DGKA: variants seen among roughly 807,000 people sequenced by gnomAD.
The protein encoded by DGKA is 80 kDa diacylglycerol kinase.
DGKA carries 35 observed loss-of-function variants against 105.0 expected under a neutral mutation model. That is an observed-to-expected ratio of 0.33 (90% CI 0.25 to 0.44). The LOEUF (loss-of-function observed/expected upper bound fraction) is 0.44, where lower values mean the gene tolerates loss of function less well. Among genes scored for constraint, DGKA ranks in the 20% least tolerant of loss-of-function variants. The pLI is 1.00. For synonymous variants in DGKA, 296 were observed against 332.0 expected (o/e 0.89, Z 1.18); for missense variants, 665 against 915.0 (o/e 0.73, Z 3.53).
In DGKA at chr12:55,940,939, A is replaced by G; in HGVS notation, c.1060A>G (p.Thr354Ala). Residue 354 changes from threonine (T) to alanine (A), a missense_variant, in exon 13 of 24, where the codon ACC (threonine) becomes GCC (alanine). Thr to Ala is a moderately conservative substitution (Grantham distance 58, BLOSUM62 0). Transcript: ENST00000331886. This position sits in a 1 kb window ranked among gnomAD's most constrained non-coding sequence, Gnocchi z 4.3. ...TAAAAATAGCAAAACAAGCCAGAAG[A>G]CCATGGATGATTTAAATTTGAGCAC... is the stretch of plus-strand genomic sequence containing the variant. Reference protein sequence around the residue: ...DRKNSKTSQKTMDDLNLSTSE... With the variant: ...DRKNSKTSQKAMDDLNLSTSE... 2 of 1,614,100 alleles carry G rather than the reference A, an allele frequency of 1.2e-6. No homozygotes were observed. The highest frequency in any genetic ancestry group is 1.7e-6 in the Non-Finnish European group (2 of 1,180,004).
At chr12:55,927,917 G>A (rs1883227456), upstream of DGKA, 5 of 923,080 alleles carry the variant, frequency 5.4e-6, no homozygotes, top group Non-Finnish European at 7.9e-6. Flanking sequence ...TGGGCCCTAG[G>A]GTCAGAGGGC....
Position 55,951,776 on chromosome 12 carries a change from T to G in DGKA, c.1580T>G (p.Ile527Ser). 1 of 1,613,584 alleles carries G rather than the reference T, an allele frequency of 6.2e-7. No homozygotes were observed. The highest frequency in any genetic ancestry group is 8.5e-7 in the Non-Finnish European group (1 of 1,179,898). ...PFQIINNYFS[I>S]GVDASIAHRF... Reference sequence around the variant, plus strand: ...CAAATCATCAATAACTACTTCTCTATTGGCGTGGTCAGTGGAATGGGGCCT... The same window carrying G: ...CAAATCATCAATAACTACTTCTCTAGTGGCGTGGTCAGTGGAATGGGGCCT... Residue 527 changes from isoleucine (I) to serine (S), a missense_variant, in exon 18 of 24, where the codon ATT (isoleucine) becomes AGT (serine). Physicochemically the swap from Ile to Ser is moderately radical, Grantham distance 142. Transcript: ENST00000331886.
In DGKA at chr12:55,937,555, C is replaced by G. The variant is rs1326227122; in HGVS notation, c.274+12C>G. 1 of 1,613,280 alleles carries G rather than the reference C, an allele frequency of 6.2e-7. No homozygotes were observed. The highest frequency in any genetic ancestry group is 2.2e-5 in the East Asian group (1 of 44,884). ...AAATGTGACAAAAGGTATGGTCAAGCAGGTAGGACTGGGCTAAGCCTCTGG... is the reference window on the plus strand; with the variant it reads ...AAATGTGACAAAAGGTATGGTCAAGGAGGTAGGACTGGGCTAAGCCTCTGG... On this transcript the variant is annotated intron_variant, in intron 4 of 23. Transcript: ENST00000331886.
intron 1 of DGKA, chr12:55,936,161 T>A: frequency 1.8e-6 from 1 of 552,062 alleles, no homozygotes; most frequent in Non-Finnish European, 2.5e-6. Flanking sequence ...TGAATCAAGA[T>A]AGGTTGGGGG....
chr12:55,935,779 C>T, intron 1 of DGKA: 1 of 691,172 alleles, frequency 1.4e-6, no homozygotes, highest in Non-Finnish European at 1.8e-6. Flanking sequence ...CCGCGGAACG[C>T]AGTCCAGGCG....
Position 55,932,776 on chromosome 12 carries a change from G to T in DGKA, c.-82+1432G>T, listed in dbSNP as rs1592658253. ...GCCAGGTGTAGCACTGCAGTCTTCA[G>T]TGTTTGTGGAGGCTTAATAAGTTTT... On this transcript the variant is annotated intron_variant, in intron 1 of 23. Transcript: ENST00000331886. This position sits in a 1 kb window ranked among gnomAD's most constrained non-coding sequence, Gnocchi z 4.3. 15 of 575,946 alleles carry T rather than the reference G, an allele frequency of 2.6e-5. No individual in the cohort carries two copies. In the East Asian group the frequency reaches 4.3e-4, roughly 17 times the overall value. 35.7% of individuals were successfully genotyped at this position (575,946 alleles called of 1,614,324 possible).
rs1885121050 is a variant in DGKA at position 55,938,049 on chromosome 12, G to A, written c.346G>A (p.Glu116Lys). The A allele has an allele frequency of 1.2e-6, 2 of 1,613,872 alleles. No homozygotes were observed. Among genetic ancestry groups the A allele is most frequent in the Non-Finnish European group, 1.7e-6 (2 of 1,179,920 alleles). The change falls in exon 5 of 24, where the codon GAA (glutamate) becomes AAA (lysine). Residue 116 changes from glutamate to lysine, a missense_variant. By Grantham distance (56) the Glu-to-Lys change is moderately conservative. Around this residue, in one of 3 missense-constraint regions of DGKA, gnomAD observed 504 missense variants for 681.2 expected, o/e 0.74. Transcript: ENST00000331886. The stretch of plus-strand genomic sequence containing the variant: ...GGGTGGTCGGCCAGAAGACAAGTTA[G>A]AATGTGAGTTGCCCTTCTGAAGTGA... ...LEGGRPEDKL[E>K]FTFKLYDTDR...
At chr12:55,933,149 T>C (rs1883986457) in intron 1 of DGKA, among the ~76,000 whole-genome samples, 1 of 152,238 alleles carries the variant, frequency 6.6e-6, no homozygotes, top group East Asian at 1.9e-4. Flanking sequence ...AGCCATGAGC[T>C]CTAAGATTTA....
chr12:55,952,613 C>T lies in DGKA; in HGVS notation c.1744-121C>T. On this transcript the variant is annotated intron_variant, in intron 20 of 23. Transcript: ENST00000331886. This position sits in a 1 kb window ranked among gnomAD's most constrained non-coding sequence, Gnocchi z 5.1. ...CTAGTCCCTATTTCCATTCCTTGCA[C>T]ACCTCCAAATCCTGCCTTCTCCAGT... The T allele has an allele frequency of 2.3e-6, 3 of 1,302,708 alleles. No homozygotes were observed. Among genetic ancestry groups the T allele is most frequent in the East Asian group, 2.3e-5 (1 of 43,278 alleles). The allele number at this position is 1,302,708 out of a possible 1,614,324, so 80.7% of individuals were successfully genotyped here.
Position 55,940,083 on chromosome 12 carries a change from C to T in DGKA, c.711C>T (p.Leu237=). The change falls in exon 10 of 24, where the codon CTC becomes CTT. Residue 237 remains leucine, a splice_region_variant and synonymous_variant. Transcript: ENST00000331886. This position sits in a 1 kb window ranked among gnomAD's most constrained non-coding sequence, Gnocchi z 4.3. ...GLGKQGLSCN[L]CKYTVHDQCA... ...CCCAACTTCTTCCTTCTCCCTCAGT[C>T]TGTAAGTACACTGTTCACGACCAGT... 1 of 1,614,150 alleles carries T rather than the reference C, an allele frequency of 6.2e-7. No homozygotes were observed. The highest frequency in any genetic ancestry group is 8.5e-7 in the Non-Finnish European group (1 of 1,179,962).
upstream of DGKA, chr12:55,930,366 T>TGG (rs1368785973): frequency 7.7e-6 from 1 of 129,944 alleles, no homozygotes; most frequent in African/African-American, 3.6e-5. Flanking sequence ...TGTTTTTTTT[T>TGG]TTTTTTTTTT....
chr12:55,940,546 T>A lies in DGKA; in HGVS notation c.919-78T>A, dbSNP rs1885704689. 4.5e-6 allele frequency: 7 copies of A among 1,565,670 alleles called. No individual in the cohort carries two copies. In the South Asian group the frequency reaches 8.4e-5, roughly 19 times the overall value. ...CACAGTTGCCCCTGCTCCCAAGGGC[T>A]CTTTCCAGCCCAGACTGCCAGGTTG... is the stretch of plus-strand genomic sequence containing the variant. On this transcript the variant is annotated intron_variant, in intron 11 of 23. Coordinates refer to ENST00000331886, the MANE Select transcript of DGKA (RefSeq NM_001345.5). This position sits in a 1 kb window ranked among gnomAD's most constrained non-coding sequence, Gnocchi z 4.3.
upstream of DGKA, chr12:55,927,329 G>T (rs1883211971): frequency 2.6e-6 from 2 of 768,078 alleles, no homozygotes; most frequent in East Asian, 2.7e-5. Flanking sequence ...ATTACTGAGC[G>T]CTTGCTGCCT....
intron 5 of DGKA, 146 bp from the exon 6 acceptor site, chr12:55,938,365 T>A (rs1885187346): frequency 9.8e-7 from 1 of 1,023,380 alleles, no homozygotes; most frequent in African/African-American, 1.6e-5. Flanking sequence ...TTCCTTTCCT[T>A]TTTGTCTCTC....
At position 55,940,492 on chromosome 12, in the gene DGKA, C is replaced by G; in HGVS notation, c.918+59C>G. On this transcript the variant is annotated intron_variant, in intron 11 of 23. Coordinates refer to ENST00000331886, the MANE Select transcript of DGKA (RefSeq NM_001345.5). The surrounding 1 kb of genome is among the most constrained non-coding windows in gnomAD (Gnocchi z 4.3). ...TTACCCCGCAGAGCTGCCTTCTCCACGGGCCTCCGGCCACACCTCCTTTAC... is the reference window on the plus strand; with the variant it reads ...TTACCCCGCAGAGCTGCCTTCTCCAGGGGCCTCCGGCCACACCTCCTTTAC... The G allele has an allele frequency of 6.3e-7, 1 of 1,599,546 alleles. No homozygotes were observed. The highest frequency in any genetic ancestry group is 1.1e-5 in the South Asian group (1 of 89,136).
chr12:55,928,612 G>A (rs1187051263), upstream of DGKA, among the ~76,000 whole-genome samples: 1 of 143,976 alleles, frequency 6.9e-6, no homozygotes. Context: ...GGGAGGCGGA[G>A]GTTGCAGTGA....
In DGKA at chr12:55,952,866, A is replaced by G; in HGVS notation, c.1876A>G (p.Asn626Asp). The G allele has an allele frequency of 6.2e-7, 1 of 1,614,182 alleles. No individual in the cohort carries two copies. Among genetic ancestry groups the G allele is most frequent in the East Asian group, 2.2e-5 (1 of 44,882 alleles). ...ACCCCATGGGGATATCTATGGGATC[A>G]ACCAGGCCTTAGGTGCTACAGCTAA... ...RRPHGDIYGINQALGATAKVI... is the reference protein window; with the variant it reads ...RRPHGDIYGIDQALGATAKVI... Residue 626 changes from asparagine (N) to aspartate (D), a missense_variant, in exon 21 of 24, where the codon AAC becomes GAC. Around this residue, in one of 3 missense-constraint regions of DGKA, gnomAD observed 158 missense variants for 213.4 expected, o/e 0.74. Transcript: ENST00000331886. The surrounding 1 kb of genome is among the most constrained non-coding windows in gnomAD (Gnocchi z 5.1).
At position 55,938,555 on chromosome 12, in the gene DGKA, A is replaced by T; in HGVS notation, c.394A>T (p.Ser132Cys). The change falls in exon 6 of 24, where the codon AGC (serine) becomes TGC (cysteine). Residue 132 changes from serine (S) to cysteine (C), a missense_variant. Coordinates refer to ENST00000331886, the MANE Select transcript of DGKA (RefSeq NM_001345.5). ...CACGGACAGAAATGGGATCCTGGAC[A>T]GCTCAGTGAGTTGGGGACCCTGTAT... ...YDTDRNGILDSSEVDKIILQM... is the reference protein window; with the variant it reads ...YDTDRNGILDCSEVDKIILQM... 6.2e-7 allele frequency: 1 copy of T among 1,614,130 alleles called. No individual in the cohort carries two copies. Among genetic ancestry groups the T allele is most frequent in the Non-Finnish European group, 8.5e-7 (1 of 1,179,996 alleles).
At chr12:55,946,344 T>TTTG (rs547976590) in intron 17 of DGKA, among the ~76,000 whole-genome samples, 143 of 151,310 alleles carry the variant, frequency 9.5e-4, no homozygotes, top group Admixed American at 2.3e-3. Flanking sequence ...CTAATTTTGT[T>TTTG]TTGTTGTTGT....
Sources: gnomAD v4.1 joint callset for allele counts (sites outside exome capture counted in the v4.1 genomes callset) on GRCh38, gnomAD v4.1.1 for gene constraint, gnomAD v4.1.1 regional missense constraint, Gnocchi (gnomAD v3.1) non-coding constraint, MANE v1.5 for transcripts, NCBI Gene and HGNC (gene_info 2026-07-23, HGNC 2026-07-21) for gene names.